Variants in FRMD4A observed in about 807,000 individuals in gnomAD.
The protein encoded by FRMD4A is FERM domain containing 4A.
Under a neutral mutation model 129.1 loss-of-function variants are expected in FRMD4A, and 29 were observed. That is an observed-to-expected ratio of 0.22 (90% CI 0.17 to 0.31). The LOEUF is 0.31. Ranked by LOEUF, FRMD4A falls within the 10% of genes least tolerant of loss-of-function variation. FRMD4A has a pLI of 1.00. For synonymous variants in FRMD4A, 634 were observed against 571.6 expected (o/e 1.11, Z -1.56); for missense variants, 1,272 against 1,375.8 (o/e 0.92, Z 1.19).
intron 2 of FRMD4A, among the ~76,000 whole-genome samples, chr10:14,271,068 C>G (rs1845148339): frequency 6.6e-6 from 1 of 152,092 alleles, no homozygotes; most frequent in African/African-American, 2.4e-5. Flanking sequence ...ACATGGCGGG[C>G]ACAGGGACAA....
chr10:13,876,145 A>G (rs2094487181), intron 2 of FRMD4A, among the ~76,000 whole-genome samples: 1 of 152,390 alleles, frequency 6.6e-6, no homozygotes. Flanking sequence ...TACAGAACTC[A>G]GGGACAGACG....
chr10:13,739,364 C>T (rs145400607), intron 11 of FRMD4A, among the ~76,000 whole-genome samples: 181 of 152,310 alleles, frequency 1.2e-3, no homozygotes, highest in Middle Eastern at 6.8e-3. Flanking sequence ...AGCAGATTGA[C>T]CAGAGAAGGG....
In FRMD4A at chr10:13,682,196, C is replaced by T. The variant is rs949799944; in HGVS notation, c.1118-7152G>A. 2.0e-4 allele frequency among the ~76,000 whole-genome samples: 30 copies of T among 152,248 alleles called. 2 individuals are homozygous for T. Among genetic ancestry groups the T allele is most frequent in the Admixed American group, 1.6e-3 (25 of 15,290 alleles). ...CTGTGATTGCGCCACTGCACTCCAG[C>T]CTGGGCAACAAAGCAAGACCCCGTC... On this transcript the variant is annotated intron_variant, in intron 15 of 24. Transcript: ENST00000357447.
chr10:14,171,053 C>T (rs146206936), intron 2 of FRMD4A, among the ~76,000 whole-genome samples: 50 of 149,596 alleles, frequency 3.3e-4, no homozygotes, highest in African/African-American at 1.1e-3. Flanking sequence ...TTGCGAGCCT[C>T]ATTCACTAGA....
rs767108763 is a variant in FRMD4A, at chr10:13,648,706, C to CT, written c.*3-1672dup. On this transcript the variant is annotated intron_variant, in intron 24 of 24. Transcript: ENST00000357447. ...CTCCAGTGACATCGGCTGGTACACG[C>CT]TTTTGTTTGCTTACGCTTGTTGAAC... The CT allele has an allele frequency of 7.2e-5, 11 of 152,298 alleles. No homozygotes were observed. In the East Asian group the frequency reaches 1.7e-3, roughly 24 times the overall value. 9.4% of individuals were successfully genotyped at this position (152,298 alleles called of 1,614,324 possible).
At chr10:13,777,391 C>T (rs1457324988) in intron 6 of FRMD4A, among the ~76,000 whole-genome samples, 4 of 152,020 alleles carry the variant, frequency 2.6e-5, no homozygotes, top group Admixed American at 2.6e-4. Context: ...TTCTTGATCA[C>T]AGGAGGGAGA....
At chr10:13,742,385 T>C (rs975941178) in intron 9 of FRMD4A, among the ~76,000 whole-genome samples, 15 of 152,346 alleles carry the variant, frequency 9.8e-5, no homozygotes, top group African/African-American at 3.6e-4. Flanking sequence ...CTCCCTGGTC[T>C]GGCCCCAGAG....
chr10:13,983,181 C>T (rs1050458514), intron 2 of FRMD4A, among the ~76,000 whole-genome samples: 22 of 152,202 alleles, frequency 1.4e-4, no homozygotes, highest in Admixed American at 3.9e-4. Flanking sequence ...GGCTGGTCGC[C>T]AATTTCTGAC....
chr10:13,799,059 G>C (rs1024580671), intron 4 of FRMD4A, among the ~76,000 whole-genome samples: 3 of 152,142 alleles, frequency 2.0e-5, no homozygotes, highest in African/African-American at 4.8e-5. Context: ...GTCCTCCTCC[G>C]ACCCTTACAG....
chr10:13,682,186 T>C (rs2084658768), intron 15 of FRMD4A, among the ~76,000 whole-genome samples: 1 of 152,088 alleles, frequency 6.6e-6, no homozygotes, highest in Non-Finnish European at 1.5e-5. Context: ...ATTGCGCCAC[T>C]GCACTCCAGC....
intron 2 of FRMD4A, among the ~76,000 whole-genome samples, chr10:13,864,032 G>C (rs552352283): frequency 6.6e-6 from 1 of 151,882 alleles, no homozygotes; most frequent in African/African-American, 2.4e-5. Context: ...GTCTCATTTT[G>C]TTGCCCAGGC....
At chr10:14,095,139 C>A (rs1043196677) in intron 2 of FRMD4A, among the ~76,000 whole-genome samples, 3 of 151,976 alleles carry the variant, frequency 2.0e-5, no homozygotes, top group African/African-American at 7.3e-5. Context: ...AAGGGGAAAC[C>A]AAGACAAAGA....
At chr10:13,671,007 G>A (rs2083466145) in intron 16 of FRMD4A, among the ~76,000 whole-genome samples, 1 of 152,118 alleles carries the variant, frequency 6.6e-6, no homozygotes, top group South Asian at 2.1e-4. Flanking sequence ...CCTTCAAATG[G>A]ATTTTCACAA....
At chr10:14,246,594 T>C (rs1189836949) in intron 2 of FRMD4A, among the ~76,000 whole-genome samples, 1 of 152,164 alleles carries the variant, frequency 6.6e-6, no homozygotes, top group Non-Finnish European at 1.5e-5. Flanking sequence ...TGCTCATACA[T>C]ATACACACAT....
intron 2 of FRMD4A, among the ~76,000 whole-genome samples, chr10:14,191,431 T>G (rs1172159528): frequency 6.6e-6 from 1 of 152,170 alleles, no homozygotes; most frequent in African/African-American, 2.4e-5. Flanking sequence ...GGGACAGCCA[T>G]AGTTTACAAG....
intron 2 of FRMD4A, among the ~76,000 whole-genome samples, chr10:13,878,625 C>A (rs529280030): frequency 1.3e-5 from 2 of 152,100 alleles, no homozygotes; most frequent in East Asian, 3.9e-4. Flanking sequence ...TGCTGGTGAG[C>A]ACCTGTAATC....
chr10:13,726,409 G>C (rs1036348416), intron 12 of FRMD4A, among the ~76,000 whole-genome samples: 4 of 152,198 alleles, frequency 2.6e-5, no homozygotes, highest in African/African-American at 4.8e-5. Context: ...ACTGCTCTAG[G>C]AAAGAATTTG....
At chr10:14,181,266 G>C (rs752965336) in intron 2 of FRMD4A, among the ~76,000 whole-genome samples, 3 of 152,220 alleles carry the variant, frequency 2.0e-5, no homozygotes, top group Non-Finnish European at 2.9e-5. Context: ...TGTTTGAAAA[G>C]AGGTATTTCC....
At chr10:14,094,768 T>C (rs1836855366) in intron 2 of FRMD4A, among the ~76,000 whole-genome samples, 1 of 152,234 alleles carries the variant, frequency 6.6e-6, no homozygotes, top group South Asian at 2.1e-4. Context: ...GTTAGAGGTG[T>C]AATTAATACC....
Sources: gnomAD v4.1 joint callset for allele counts (sites outside exome capture counted in the v4.1 genomes callset) on GRCh38, gnomAD v4.1.1 for gene constraint, MANE v1.5 for transcripts, NCBI Gene and HGNC (gene_info 2026-07-23, HGNC 2026-07-21) for gene names.